Variants in NEDD9 observed in about 807,000 individuals in gnomAD.
NEDD9 encodes the protein neural precursor cell expressed, developmentally down-regulated 9, also known as enhancer of filamentation 1.
NEDD9 carries 26 observed loss-of-function variants against 76.6 expected under a neutral mutation model. The observed-to-expected ratio is 0.34, with a 90% confidence interval of 0.25 to 0.47. The LOEUF (loss-of-function observed/expected upper bound fraction) is 0.47. Among genes scored for constraint, NEDD9 ranks in the 20% least tolerant of loss-of-function variants. The pLI, the probability that NEDD9 is intolerant of heterozygous loss-of-function variation, is 1.00. For missense variants in NEDD9, 937 were observed against 1,058.5 expected (o/e 0.89, Z 1.59); for synonymous variants, 392 against 414.2 (o/e 0.95, Z 0.65).
chr6:11,188,759 T>C (rs1202743478), intron 5 of NEDD9, among the ~76,000 whole-genome samples: 6 of 152,124 alleles, frequency 3.9e-5, no homozygotes, highest in Non-Finnish European at 8.8e-5. Flanking sequence ...AATGCCTCCA[T>C]CCTCTCTCTC....
At chr6:11,242,316 C>T (rs1759724531) in intron 3 of NEDD9, among the ~76,000 whole-genome samples, 1 of 152,190 alleles carries the variant, frequency 6.6e-6, no homozygotes, top group Non-Finnish European at 1.5e-5. Context: ...TGCTGAAGGC[C>T]TGGCACCCTG....
intron 2 of NEDD9, among the ~76,000 whole-genome samples, chr6:11,195,784 C>T (rs981449344): frequency 1.5e-4 from 23 of 152,298 alleles, no homozygotes; most frequent in Admixed American, 1.4e-3. Flanking sequence ...CACCTAAGGT[C>T]AGGAGTTGGA....
At chr6:11,369,842 A>C (rs1247297700) in intron 1 of NEDD9, among the ~76,000 whole-genome samples, 1 of 152,120 alleles carries the variant, frequency 6.6e-6, no homozygotes, top group African/African-American at 2.4e-5. Context: ...GGATTGCCAA[A>C]TTGTAATAAG....
intron 2 of NEDD9, chr6:11,200,876 C>A (rs1023511063): frequency 1.9e-6 from 3 of 1,593,586 alleles, no homozygotes; most frequent in African/African-American, 2.7e-5. Flanking sequence ...TGTGTTTTTC[C>A]AAGTCTAGGA....
chr6:11,301,031 GA>G (rs1223181485), intron 3 of NEDD9, among the ~76,000 whole-genome samples: 1 of 152,178 alleles, frequency 6.6e-6, no homozygotes, highest in African/African-American at 2.4e-5. Flanking sequence ...AATCTTAAGT[GA>G]AAATGGGCTA....
At position 11,279,850 on chromosome 6, in the gene NEDD9, C is replaced by G. The variant is rs1760498674; in HGVS notation, c.12+26142G>C. Among the ~76,000 whole-genome samples, 4 of 152,324 alleles carry G rather than the reference C, an allele frequency of 2.6e-5. No individual in the cohort carries two copies. In the South Asian group the frequency reaches 8.3e-4, roughly 32 times the overall value. On this transcript the variant is annotated intron_variant, in intron 3 of 3. Coordinates refer to the NEDD9 transcript ENST00000397378. Reference sequence around the variant, plus strand: ...CCTTCCCTCCAGTTCTTCAAGGACTCTAGCACTGTTTTGCGTTATCTTACC... The same window carrying G: ...CCTTCCCTCCAGTTCTTCAAGGACTGTAGCACTGTTTTGCGTTATCTTACC...
intron 1 of NEDD9, among the ~76,000 whole-genome samples, chr6:11,371,822 G>C (rs1762881063): frequency 6.6e-6 from 1 of 151,922 alleles, no homozygotes; most frequent in Non-Finnish European, 1.5e-5. Context: ...TCTAATTAAA[G>C]GCTGTTTTTT....
chr6:11,216,029 A>G (rs1032343429), intron 1 of NEDD9, among the ~76,000 whole-genome samples: 5 of 152,196 alleles, frequency 3.3e-5, no homozygotes, highest in Admixed American at 3.3e-4. Flanking sequence ...TAACCTTCTT[A>G]CCACCTGGTG....
Position 11,190,669 on chromosome 6 carries a change from T to G in NEDD9, c.1200A>C (p.Lys400Asn). Residue 400 changes from lysine to asparagine, a missense_variant, in exon 5 of 7, where the codon AAA (lysine) becomes AAC (asparagine). Physicochemically the swap from Lys to Asn is moderately conservative, Grantham distance 94. Transcript: ENST00000379446. The surrounding 1 kb of genome is among the most constrained non-coding windows in gnomAD (Gnocchi z 5.8). The part of the protein sequence containing the change: ...SSLSASPAQD[K>N]RLFLDPDTAI... ...CTGTGTCTGGATCCAGGAAGAGCCT[T>G]TTGTCCTGAGCTGGGGAGGCTGACA... The G allele has an allele frequency of 6.2e-7, 1 of 1,614,110 alleles. No individual in the cohort carries two copies. The highest frequency in any genetic ancestry group is 8.5e-7 in the Non-Finnish European group (1 of 1,180,016).
chr6:11,355,047 T>G (rs1183776579), intron 1 of NEDD9, among the ~76,000 whole-genome samples: 1 of 152,192 alleles, frequency 6.6e-6, no homozygotes, highest in Admixed American at 6.5e-5. Context: ...ACTGGCAAGC[T>G]AAAGAGTTCT....
intron 1 of NEDD9, among the ~76,000 whole-genome samples, chr6:11,350,821 G>A (rs752733648): frequency 5.3e-5 from 8 of 152,136 alleles, no homozygotes; most frequent in South Asian, 2.1e-4. Context: ...TACACATAGC[G>A]TAGGTAAACA....
intron 2 of NEDD9, among the ~76,000 whole-genome samples, chr6:11,328,101 T>C (rs1761966513): frequency 6.6e-6 from 1 of 152,230 alleles, no homozygotes. Context: ...ACTAGCATTC[T>C]AGTTTCTGTG....
intron 1 of NEDD9, among the ~76,000 whole-genome samples, chr6:11,357,812 A>G (rs939581378): frequency 7.9e-5 from 12 of 152,064 alleles, no homozygotes; most frequent in African/African-American, 2.9e-4. Context: ...ACTTATGGAG[A>G]AGTAATCTTT....
rs75751241 is a variant in NEDD9 at position 11,228,781 on chromosome 6, A to G, written c.12+3723T>C. On this transcript the variant is annotated intron_variant, in intron 1 of 6. Transcript: ENST00000379446. The stretch of plus-strand genomic sequence containing the variant: ...GCCATTTAGCTCTGCAAATGGGTTT[A>G]CTAAATAAATAAATAAATGCATAAA... Among the ~76,000 whole-genome samples the G allele has an allele frequency of 7.3e-3, 1,107 of 152,330 alleles. 10 individuals are homozygous for G. Among genetic ancestry groups the G allele is most frequent in the African/African-American group, 0.025 (1,057 of 41,568 alleles).
intron 3 of NEDD9, among the ~76,000 whole-genome samples, chr6:11,261,434 T>C (rs1256180144): frequency 2.0e-5 from 3 of 152,336 alleles, no homozygotes; most frequent in African/African-American, 7.2e-5. Flanking sequence ...AAAACAATAA[T>C]GCTTAATACA....
chr6:11,331,518 G>A (rs1471078244), intron 2 of NEDD9, among the ~76,000 whole-genome samples: 1 of 151,980 alleles, frequency 6.6e-6, no homozygotes, highest in African/African-American at 2.4e-5. Context: ...AACGCTAAAG[G>A]GTGCAAAAAT....
chr6:11,284,011 T>G (rs1760591429), intron 3 of NEDD9, among the ~76,000 whole-genome samples: 2 of 151,966 alleles, frequency 1.3e-5, no homozygotes, highest in Admixed American at 1.3e-4. Flanking sequence ...TGTAGATGCA[T>G]CCTTATGAAA....
chr6:11,342,303 C>T (rs1039831448), intron 1 of NEDD9, among the ~76,000 whole-genome samples: 1 of 151,734 alleles, frequency 6.6e-6, no homozygotes, highest in Non-Finnish European at 1.5e-5. Context: ...AAGAGCTTCC[C>T]AAAATTTTAA....
At chr6:11,306,746 G>C (rs757933333) in intron 2 of NEDD9, among the ~76,000 whole-genome samples, 18 of 152,182 alleles carry the variant, frequency 1.2e-4, no homozygotes, top group Non-Finnish European at 2.1e-4. Flanking sequence ...AAGGTCACTG[G>C]AGCCATATGC....
Sources: gnomAD v4.1 joint callset for allele counts (sites outside exome capture counted in the v4.1 genomes callset) on GRCh38, gnomAD v4.1.1 for gene constraint, Gnocchi (gnomAD v3.1) non-coding constraint, MANE v1.5 for transcripts, NCBI Gene and HGNC (gene_info 2026-07-23, HGNC 2026-07-21) for gene names.